The following CCDC83 variants were observed in gnomAD, a reference collection of about 807,000 sequenced individuals.
CCDC83 encodes the protein coiled-coil domain containing 83.
A neutral mutation model predicts 50.1 loss-of-function variants in CCDC83; 54 were observed. That is an observed-to-expected ratio of 1.08 (90% CI 0.87 to 1.35). The LOEUF is 1.35. Among genes scored for constraint, CCDC83 ranks in the 40% most tolerant of loss-of-function variants. The pLI is 0.00. For missense variants in CCDC83, 518 were observed against 473.9 expected (o/e 1.09, Z -0.86); for synonymous variants, 161 against 153.3 (o/e 1.05, Z -0.37).
At chr11:85,898,764 C>A (rs1362161437) in intron 6 of CCDC83, among the ~76,000 whole-genome samples, 183 bp from the exon 7 acceptor site, 2 of 152,142 alleles carry the variant, frequency 1.3e-5, no homozygotes, top group Admixed American at 6.6e-5. Flanking sequence ...CAGTGTAAAA[C>A]AGCAAAAGCA....
intron 2 of CCDC83, among the ~76,000 whole-genome samples, chr11:85,872,182 T>C (rs1433454570): frequency 6.6e-6 from 1 of 152,034 alleles, no homozygotes; most frequent in African/African-American, 2.4e-5. Context: ...GGAACTCCTG[T>C]CCTCAAGAGA....
At chr11:85,890,151 C>T (rs187998843) in intron 5 of CCDC83, among the ~76,000 whole-genome samples, 7 of 152,258 alleles carry the variant, frequency 4.6e-5, no homozygotes, top group Admixed American at 3.9e-4. Context: ...CAGTATGTGT[C>T]CCCTGCAGTC....
chr11:85,899,087 G>A (rs1167485724), intron 7 of CCDC83, 72 bp downstream of exon 7: 1 of 1,134,318 alleles, frequency 8.8e-7, no homozygotes, highest in East Asian at 2.4e-5. Flanking sequence ...TTTTAATTAT[G>A]AACTGAAGTC....
chr11:85,885,347 C>T (rs56396016), intron 4 of CCDC83, among the ~76,000 whole-genome samples: 3 of 151,992 alleles, frequency 2.0e-5, no homozygotes, highest in South Asian at 4.1e-4. Context: ...ATTTATTGAG[C>T]GCCAACTAAT....
At chr11:85,891,719 G>A (rs184973647) in intron 5 of CCDC83, among the ~76,000 whole-genome samples, 10 of 152,248 alleles carry the variant, frequency 6.6e-5, no homozygotes, top group African/African-American at 2.4e-4. Context: ...TCTCCAAGAG[G>A]ACTCACATTT....
intron 7 of CCDC83, among the ~76,000 whole-genome samples, chr11:85,909,100 AT>A (rs2093440391): frequency 6.6e-6 from 1 of 152,076 alleles, no homozygotes; most frequent in African/African-American, 2.4e-5. Flanking sequence ...CGCCCAGCTA[AT>A]TTTTTATTTT....
At chr11:85,900,234 G>T (rs1202253447) in intron 7 of CCDC83, among the ~76,000 whole-genome samples, 1 of 152,200 alleles carries the variant, frequency 6.6e-6, no homozygotes, top group Non-Finnish European at 1.5e-5. Context: ...GTATCAGTAA[G>T]CATCTGCCAT....
chr11:85,889,820 T>C (rs2093343689), intron 5 of CCDC83, among the ~76,000 whole-genome samples: 1 of 152,230 alleles, frequency 6.6e-6, no homozygotes, highest in Non-Finnish European at 1.5e-5. Flanking sequence ...GGGAGGTTGC[T>C]GTAAGTGAAA....
At position 85,919,511 on chromosome 11, in the gene CCDC83, G is replaced by C. The variant is rs139546994; in HGVS notation, c.*1G>C. 3 of 1,602,162 alleles carry C rather than the reference G, an allele frequency of 1.9e-6. No homozygotes were observed. The highest frequency in any genetic ancestry group is 1.7e-6 in the Non-Finnish European group (2 of 1,174,480). On this transcript the variant is annotated 3_prime_UTR_variant, in exon 11 of 11. Transcript: ENST00000342404. The stretch of plus-strand genomic sequence containing the variant: ...TAAGATGATGAAGTCTTTTCTCTAA[G>C]ACGGAAAGCTGCAAAGGAAACACAA...
At chr11:85,867,334 GA>G (rs1324295281) in intron 2 of CCDC83, among the ~76,000 whole-genome samples, 1 of 152,032 alleles carries the variant, frequency 6.6e-6, no homozygotes, top group East Asian at 1.9e-4. Flanking sequence ...ACCTGGCCAA[GA>G]AGGATTTTAG....
In CCDC83 at chr11:85,913,084, T is replaced by TC. The variant is rs199934088; in HGVS notation, c.794+1683dup. 4.2e-3 allele frequency among the ~76,000 whole-genome samples: 637 copies of TC among 152,340 alleles called. 4 individuals are homozygous for TC. The highest frequency in any genetic ancestry group is 0.013 in the South Asian group (62 of 4,832). Reference sequence around the variant, plus strand: ...AAATCTTCTGTAAAATCCACACTGTTCATCAGTGCTTTAGGGGCTGGTTTT... The same window carrying TC: ...AAATCTTCTGTAAAATCCACACTGTTCCATCAGTGCTTTAGGGGCTGGTTTT... On this transcript the variant is annotated intron_variant, in intron 8 of 10. Transcript: ENST00000342404.
At chr11:85,892,872 T>C (rs925546251) in intron 5 of CCDC83, among the ~76,000 whole-genome samples, 2 of 152,320 alleles carry the variant, frequency 1.3e-5, no homozygotes, top group Non-Finnish European at 2.9e-5. Context: ...AACAGGAATA[T>C]GTAGGTTGGA....
chr11:85,907,421 AG>A (rs1373289666), intron 7 of CCDC83, among the ~76,000 whole-genome samples: 3 of 152,254 alleles, frequency 2.0e-5, no homozygotes, highest in Admixed American at 2.0e-4. Flanking sequence ...AAGGGAATCA[AG>A]GAAATTACCA....
rs1387542192 is a variant in CCDC83 at position 85,873,266 on chromosome 11, A to C, written c.151A>C (p.Arg51=). The C allele has an allele frequency of 3.9e-6, 6 of 1,550,324 alleles. No homozygotes were observed. In the African/African-American group the frequency reaches 6.9e-5, roughly 18 times the overall value. The part of the protein sequence containing the change: ...EQFMFQIKTL[R]KKNQKYHERN... ...ATTCATGTTTCAAATAAAGACACTTAGGAAAAAGAACCAAAAATATCATGA... is the reference window on the plus strand; with the variant it reads ...ATTCATGTTTCAAATAAAGACACTTCGGAAAAAGAACCAAAAATATCATGA... The change falls in exon 3 of 11, where the codon AGG becomes CGG. Residue 51 remains arginine (R), a synonymous_variant. Transcript: ENST00000342404.
intron 4 of CCDC83, among the ~76,000 whole-genome samples, chr11:85,883,308 T>A (rs1022732230): frequency 7.2e-5 from 11 of 152,020 alleles, no homozygotes; most frequent in Non-Finnish European, 1.3e-4. Flanking sequence ...TTTTTTTTTT[T>A]AATTCTGTTG....
At chr11:85,883,838 C>T (rs940918186) in intron 4 of CCDC83, among the ~76,000 whole-genome samples, 1 of 152,134 alleles carries the variant, frequency 6.6e-6, no homozygotes, top group Admixed American at 6.6e-5. Context: ...TGAGTGAAAT[C>T]GTTTCCAAGA....
intron 10 of CCDC83, among the ~76,000 whole-genome samples, chr11:85,918,819 G>T (rs1048442599): frequency 1.3e-5 from 2 of 152,172 alleles, no homozygotes; most frequent in African/African-American, 4.8e-5. Flanking sequence ...GCAGGTAGGG[G>T]AACAGTCAAT....
intron 7 of CCDC83, among the ~76,000 whole-genome samples, chr11:85,900,279 TG>T (rs1194741703): frequency 1.3e-5 from 2 of 152,328 alleles, no homozygotes; most frequent in African/African-American, 4.8e-5. Flanking sequence ...ACCACCAAAG[TG>T]TTTACTTTTG....
chr11:85,917,213 A>AGAAAGAAAGAGAAAGAAAGAAG (rs1554986942), intron 10 of CCDC83, among the ~76,000 whole-genome samples: 1 of 115,070 alleles, frequency 8.7e-6, no homozygotes, highest in Non-Finnish European at 1.8e-5. Flanking sequence ...AAAGAAGGAA[A>AGAAAGAAAGAGAAAGAAAGAAG]GAAAGAAAGA....
Sources: allele counts gnomAD v4.1 joint callset (sites outside exome capture counted in the v4.1 genomes callset), GRCh38; gene constraint gnomAD v4.1.1; transcripts MANE v1.5; gene names NCBI Gene and HGNC (gene_info 2026-07-23, HGNC 2026-07-21).